Variants in PDE4B observed in about 807,000 individuals in gnomAD.
PDE4B encodes phosphodiesterase 4B.
PDE4B carries 20 observed loss-of-function variants against 82.2 expected under a neutral mutation model. The observed-to-expected ratio is 0.24, with a 90% CI of 0.17 to 0.35. The LOEUF (loss-of-function observed/expected upper bound fraction) is 0.35. Ranked by LOEUF, PDE4B falls within the 10% of genes least tolerant of loss-of-function variation. PDE4B has a pLI of 1.00. For missense variants in PDE4B, 655 were observed against 907.2 expected (o/e 0.72, Z 3.57); for synonymous variants, 320 against 318.9 (o/e 1.00, Z -0.04).
intron 3 of PDE4B, among the ~76,000 whole-genome samples, chr1:66,137,804 T>C (rs1421908100): frequency 6.6e-6 from 1 of 152,238 alleles, no homozygotes; most frequent in African/African-American, 2.4e-5. Context: ...CCCTCTCCTT[T>C]TTATAACCAA....
At chr1:65,857,686 AT>A (rs201812862) in intron 1 of PDE4B, among the ~76,000 whole-genome samples, 4 of 152,004 alleles carry the variant, frequency 2.6e-5, no homozygotes, top group South Asian at 4.2e-4. Context: ...CCTTGAATGT[AT>A]TTTTTTTCCT....
chr1:66,257,526 G>A (rs747547766), intron 4 of PDE4B, 121 bp from the exon 5 acceptor site: 300 of 1,009,702 alleles, frequency 3.0e-4, no homozygotes, highest in Non-Finnish European at 7.0e-5. Flanking sequence ...CTTATATCCA[G>A]GTAGAAGAAC....
In PDE4B at chr1:66,093,754, C is replaced by T. The variant is rs181473722; in HGVS notation, c.282-153706C>T. Among the ~76,000 whole-genome samples the T allele has an allele frequency of 1.3e-3, 199 of 152,076 alleles. 1 individual carries two copies. Among genetic ancestry groups the T allele is most frequent in the Non-Finnish European group, 4.4e-5 (3 of 67,960 alleles). ...ATTAAGTTATCTTTAAAATCACATGCTTAGCAATCATTTTGAAAGTGATGC... is the reference window on the plus strand; with the variant it reads ...ATTAAGTTATCTTTAAAATCACATGTTTAGCAATCATTTTGAAAGTGATGC... On this transcript the variant is annotated intron_variant, in intron 3 of 16. Coordinates refer to ENST00000341517, the MANE Select transcript of PDE4B (RefSeq NM_002600.4).
At chr1:65,979,706 G>A (rs1569873615) in intron 3 of PDE4B, among the ~76,000 whole-genome samples, 1 of 152,198 alleles carries the variant, frequency 6.6e-6, no homozygotes, top group East Asian at 1.9e-4. Context: ...ACCCTGGAGT[G>A]AAAGCGCTTG....
At chr1:66,100,728 A>G (rs933361340) in intron 3 of PDE4B, among the ~76,000 whole-genome samples, 29 of 152,158 alleles carry the variant, frequency 1.9e-4, no homozygotes, top group African/African-American at 6.5e-4. Context: ...AAGATGCCTA[A>G]TGCCTTTACT....
At chr1:66,114,088 T>C (rs1377892724) in intron 3 of PDE4B, among the ~76,000 whole-genome samples, 2 of 152,162 alleles carry the variant, frequency 1.3e-5, no homozygotes, top group Non-Finnish European at 2.9e-5. Flanking sequence ...CTCTCATAAA[T>C]GGGATTCATG....
chr1:65,892,504 A>G (rs939681073), intron 1 of PDE4B, among the ~76,000 whole-genome samples: 4 of 152,046 alleles, frequency 2.6e-5, no homozygotes, highest in African/African-American at 9.7e-5. Flanking sequence ...GCTCCCTAAT[A>G]TCAGAACAGT....
intron 7 of PDE4B, among the ~76,000 whole-genome samples, chr1:66,293,170 G>A (rs1471285174): frequency 1.3e-5 from 2 of 152,092 alleles, no homozygotes; most frequent in Non-Finnish European, 2.9e-5. Context: ...GGGGAGGGAG[G>A]GAGAAGCACT....
rs555873511 is a variant in PDE4B at position 65,971,423 on chromosome 1, C to T, written c.281+52588C>T. On this transcript the variant is annotated intron_variant, in intron 3 of 16. Transcript: ENST00000341517. Reference sequence around the variant, plus strand: ...AGCGATTGCCTTTCTCTGCTATGAACATCTATGTGGTACTAAGTAGTTATT... The same window carrying T: ...AGCGATTGCCTTTCTCTGCTATGAATATCTATGTGGTACTAAGTAGTTATT... Among the ~76,000 whole-genome samples, 3 of 152,226 alleles carry T rather than the reference C, an allele frequency of 2.0e-5. No individual in the cohort carries two copies. The South Asian group carries it at 6.2e-4, about 32-fold the overall frequency.
intron 3 of PDE4B, among the ~76,000 whole-genome samples, chr1:66,100,270 C>G (rs1313581389): frequency 6.6e-6 from 1 of 152,054 alleles, no homozygotes; most frequent in African/African-American, 2.4e-5. Flanking sequence ...CCAGGCTGGT[C>G]TCGAGCTCCT....
chr1:66,332,280 C>T, intron 7 of PDE4B: 2 of 1,502,852 alleles, frequency 1.3e-6, no homozygotes, highest in Middle Eastern at 2.5e-4. Context: ...GACACCTCAT[C>T]CAGGCGGGGG....
At chr1:66,124,030 T>C (rs973496877) in intron 3 of PDE4B, among the ~76,000 whole-genome samples, 3 of 152,192 alleles carry the variant, frequency 2.0e-5, no homozygotes, top group African/African-American at 7.2e-5. Context: ...AAATGCAAGG[T>C]ATTGTTTTCA....
chr1:66,094,031 C>T (rs1253689352), intron 3 of PDE4B, among the ~76,000 whole-genome samples: 1 of 151,912 alleles, frequency 6.6e-6, no homozygotes, highest in African/African-American at 2.4e-5. Context: ...TAGACAAAAA[C>T]ACATAATCTA....
chr1:66,263,022 A>C (rs1335305321), intron 6 of PDE4B, among the ~76,000 whole-genome samples: 2 of 152,198 alleles, frequency 1.3e-5, no homozygotes, highest in East Asian at 1.9e-4. Context: ...TGTAAGATAA[A>C]ATTATTAAAA....
chr1:66,333,183 A>G (rs1399985300), intron 8 of PDE4B, among the ~76,000 whole-genome samples: 2 of 152,212 alleles, frequency 1.3e-5, no homozygotes, highest in Non-Finnish European at 2.9e-5. Context: ...TTTGTCTCCA[A>G]AACCAGAGGT....
intron 3 of PDE4B, among the ~76,000 whole-genome samples, chr1:66,111,038 C>G (rs1645475775): frequency 1.3e-5 from 2 of 152,090 alleles, no homozygotes; most frequent in South Asian, 2.1e-4. Flanking sequence ...GAGGATTAAA[C>G]TATCTGATAA....
At chr1:66,327,822 C>T (rs1306229268) in intron 7 of PDE4B, among the ~76,000 whole-genome samples, 3 of 152,136 alleles carry the variant, frequency 2.0e-5, no homozygotes, top group Non-Finnish European at 4.4e-5. Flanking sequence ...AGCAGTTATG[C>T]AATTTTAAAT....
chr1:65,941,903 C>T (rs1247035147), intron 3 of PDE4B, among the ~76,000 whole-genome samples: 1 of 151,794 alleles, frequency 6.6e-6, no homozygotes, highest in Non-Finnish European at 1.5e-5. Context: ...TCCACAATCT[C>T]TCCATTTTCT....
chr1:65,987,868 C>T (rs1296446913), intron 3 of PDE4B, among the ~76,000 whole-genome samples: 1 of 152,218 alleles, frequency 6.6e-6, no homozygotes, highest in Non-Finnish European at 1.5e-5. Flanking sequence ...CCCGCATTGG[C>T]CTCCCAAAGT....
Sources: allele counts gnomAD v4.1 joint callset (sites outside exome capture counted in the v4.1 genomes callset), GRCh38; gene constraint gnomAD v4.1.1; transcripts MANE v1.5; gene names NCBI Gene and HGNC (gene_info 2026-07-23, HGNC 2026-07-21).